Variants in EEIG1 observed in about 807,000 individuals in gnomAD.
EEIG1 encodes the protein early estrogen-induced gene 1 protein.
the EEIG1 span, chr9:127,972,711 T>A: frequency 6.6e-6 from 1 of 152,234 alleles, no homozygotes; most frequent in Admixed American, 6.5e-5. This position sits in a 1 kb window ranked among gnomAD's most constrained non-coding sequence, Gnocchi z 4.3. Context: ...GAGCTCTTCC[T>A]CCCAGCCACC....
chr9:127,979,868 C>T, the EEIG1 span: 2 of 1,236,712 alleles, frequency 1.6e-6, no homozygotes, highest in African/African-American at 1.5e-5. Flanking sequence ...GCAACCTGCC[C>T]CAGGCACACA....
the EEIG1 span, chr9:127,950,416 C>A: frequency 2.5e-6 from 4 of 1,613,384 alleles, no homozygotes; most frequent in Non-Finnish European, 1.7e-6. Flanking sequence ...GGCAGGATCC[C>A]TGGTACCTTA....
chr9:127,943,404 T>C, the EEIG1 span: 1 of 651,824 alleles, frequency 1.5e-6, no homozygotes, highest in Non-Finnish European at 2.8e-6. Context: ...TTGCCCACAG[T>C]GACACAGATA....
the EEIG1 span, chr9:127,944,937 G>T: frequency 6.3e-7 from 1 of 1,596,678 alleles, no homozygotes; most frequent in South Asian, 1.1e-5. Context: ...CAACGGTCAG[G>T]GCAGTAACAG....
chr9:127,950,760 T>G, the EEIG1 span: 3 of 1,327,998 alleles, frequency 2.3e-6, no homozygotes, highest in Non-Finnish European at 2.9e-6. Flanking sequence ...ATCCCTGAGC[T>G]GCACAAAGCA....
chr9:127,966,932 C>T, the EEIG1 span, among the ~76,000 whole-genome samples: 3 of 152,206 alleles, frequency 2.0e-5, no homozygotes, highest in African/African-American at 7.2e-5. Context: ...CCTGATCTTG[C>T]AGAACCCCTG....
the EEIG1 span, chr9:127,953,410 T>A: frequency 1.5e-6 from 1 of 652,306 alleles, no homozygotes; most frequent in African/African-American, 1.8e-5. Context: ...TGCCTTTATA[T>A]TGAGTGCAAA....
chr9:127,957,688 T>C, the EEIG1 span, among the ~76,000 whole-genome samples: 1 of 152,260 alleles, frequency 6.6e-6, no homozygotes, highest in East Asian at 1.9e-4. Context: ...AAATTCACGC[T>C]TTTGATTTCA....
the EEIG1 span, among the ~76,000 whole-genome samples, chr9:127,975,617 C>T: frequency 6.6e-6 from 1 of 152,160 alleles, no homozygotes; most frequent in Non-Finnish European, 1.5e-5. Flanking sequence ...CACTTCTCTG[C>T]CGCAGGCCTC....
the EEIG1 span, chr9:127,950,478 C>G: frequency 1.9e-6 from 3 of 1,614,056 alleles, no homozygotes; most frequent in South Asian, 3.3e-5. Flanking sequence ...CTCGAGCAGG[C>G]AGCAGCGCAC....
chr9:127,945,174 G>A, the EEIG1 span, among the ~76,000 whole-genome samples: 1 of 152,166 alleles, frequency 6.6e-6, no homozygotes, highest in East Asian at 1.9e-4. The surrounding 1 kb of genome is among the most constrained non-coding windows in gnomAD (Gnocchi z 6.5). Flanking sequence ...AACCGCAAGA[G>A]CAGCCATGAA....
At chr9:127,963,043 A>G in the EEIG1 span, among the ~76,000 whole-genome samples, 1 of 152,202 alleles carries the variant, frequency 6.6e-6, no homozygotes, top group South Asian at 2.1e-4. Flanking sequence ...CTGGCCAAGC[A>G]GCTTATTCAC....
chr9:127,970,427 C>G, the EEIG1 span, among the ~76,000 whole-genome samples: 1 of 152,164 alleles, frequency 6.6e-6, no homozygotes, highest in African/African-American at 2.4e-5. Context: ...CCGCATCATA[C>G]ACTCTTTTGT....
At chr9:127,945,457 T>G in the EEIG1 span, 1 of 1,563,056 alleles carries the variant, frequency 6.4e-7, no homozygotes, top group Non-Finnish European at 8.7e-7. This position sits in a 1 kb window ranked among gnomAD's most constrained non-coding sequence, Gnocchi z 6.5. Context: ...CTCAGGGCCC[T>G]CCACGGTCAT....
the EEIG1 span, chr9:127,944,593 C>T: frequency 2.5e-6 from 4 of 1,589,446 alleles, no homozygotes; most frequent in Non-Finnish European, 2.6e-6. Flanking sequence ...GCCCCGACGA[C>T]CCCTCCCTAA....
chr9:127,970,648 G>C, the EEIG1 span, among the ~76,000 whole-genome samples: 8 of 152,142 alleles, frequency 5.3e-5, no homozygotes, highest in South Asian at 2.1e-4. Flanking sequence ...GGCTGCCCTT[G>C]GTGGTTCTAA....
the EEIG1 span, among the ~76,000 whole-genome samples, chr9:127,946,245 G>A: frequency 3.3e-5 from 5 of 152,358 alleles, no homozygotes; most frequent in African/African-American, 1.2e-4. Flanking sequence ...CTGGGTCAGC[G>A]GAGTTGGAGT....
At chr9:127,977,165 C>A in the EEIG1 span, among the ~76,000 whole-genome samples, 1 of 152,264 alleles carries the variant, frequency 6.6e-6, no homozygotes, top group Non-Finnish European at 1.5e-5. Context: ...TGCCTGGTGG[C>A]CACTAACTGC....
the EEIG1 span, chr9:127,942,878 C>T: frequency 1.7e-4 from 75 of 443,056 alleles, no homozygotes; most frequent in African/African-American, 8.8e-4. Flanking sequence ...GGTCAGTCTC[C>T]AGCAGCGCCG....
Sources: gnomAD v4.1 joint callset for allele counts (sites outside exome capture counted in the v4.1 genomes callset) on GRCh38, gnomAD v4.1.1 for gene constraint, Gnocchi (gnomAD v3.1) non-coding constraint, MANE v1.5 for transcripts, NCBI Gene and HGNC (gene_info 2026-07-23, HGNC 2026-07-21) for gene names.